CUL5: variants seen among roughly 807,000 people sequenced by gnomAD.
The protein encoded by CUL5 is cullin 5, also known as cullin-5.
CUL5 carries 26 observed loss-of-function variants against 108.8 expected under a neutral mutation model. The observed-to-expected ratio is 0.24, with a 90% CI of 0.18 to 0.33. The LOEUF is 0.33. Among genes scored for constraint, CUL5 ranks in the 10% least tolerant of loss-of-function variants. CUL5 has a pLI of 1.00. For missense variants in CUL5, 524 were observed against 909.2 expected (o/e 0.58, Z 5.45); for synonymous variants, 334 against 298.0 (o/e 1.12, Z -1.25).
chr11:108,066,310 C>T (rs1054688396), intron 7 of CUL5, among the ~76,000 whole-genome samples: 12 of 152,202 alleles, frequency 7.9e-5, no homozygotes, highest in African/African-American at 2.9e-4. Flanking sequence ...CGCCACTGCA[C>T]TCCAGCCTGG....
intron 1 of CUL5, among the ~76,000 whole-genome samples, chr11:108,030,168 C>T (rs1419351904): frequency 2.0e-5 from 3 of 152,100 alleles, no homozygotes; most frequent in East Asian, 1.9e-4. Flanking sequence ...AAGTATATGC[C>T]GCAGCATCAC....
At chr11:108,058,409 C>T (rs1352556861) in intron 7 of CUL5, among the ~76,000 whole-genome samples, 5 of 151,168 alleles carry the variant, frequency 3.3e-5, no homozygotes, top group South Asian at 4.2e-4. Flanking sequence ...CCACCACACC[C>T]GGCTAATTTT....
intron 1 of CUL5, among the ~76,000 whole-genome samples, chr11:108,011,441 G>A (rs1380206466): frequency 6.6e-6 from 1 of 152,136 alleles, no homozygotes; most frequent in African/African-American, 2.4e-5. Flanking sequence ...GGTACTTAGG[G>A]TTTAGGTTTA....
intron 1 of CUL5, among the ~76,000 whole-genome samples, chr11:108,016,548 T>C (rs12277368): frequency 0.2 from 30,488 of 152,202 alleles, 3,227 homozygotes; most frequent in Non-Finnish European, 0.23. Flanking sequence ...CCACCCCTAC[T>C]TGAGGTTTCT....
In CUL5 at chr11:108,104,330, C is replaced by T. The variant is rs756404794; in HGVS notation, c.2289C>T (p.His763=). Residue 763 remains histidine (H), a synonymous_variant, in exon 19 of 19, where the codon CAC becomes CAT. Coordinates refer to ENST00000393094, the MANE Select transcript of CUL5 (RefSeq NM_003478.6). The part of the protein sequence containing the change: ...IKEQIEWLIE[H]KYIRRDESDI... ...AGCAAATAGAGTGGCTAATAGAGCA[C>T]AAATACATCAGAAGAGATGAATCTG... 3 of 1,599,628 alleles carry T rather than the reference C, an allele frequency of 1.9e-6. No homozygotes were observed. The highest frequency in any genetic ancestry group is 2.3e-5 in the South Asian group (2 of 86,964).
chr11:108,009,425 CTT>C (rs1862003048), intron 1 of CUL5, 53 bp downstream of exon 1: 1 of 1,601,566 alleles, frequency 6.2e-7, no homozygotes, highest in Admixed American at 1.7e-5. Context: ...GGGTTCGGCT[CTT>C]TGGGAAAGGC....
chr11:108,100,758 C>T (rs1283682285), intron 18 of CUL5, among the ~76,000 whole-genome samples: 3 of 152,004 alleles, frequency 2.0e-5, no homozygotes, highest in Non-Finnish European at 4.4e-5. Flanking sequence ...TGGCCAGGCG[C>T]GGTGGCTCAC....
chr11:108,054,835 T>A (rs1325380857), intron 6 of CUL5, 40 bp from the exon 7 acceptor site: 1 of 1,601,720 alleles, frequency 6.2e-7, no homozygotes, highest in Non-Finnish European at 8.5e-7. Flanking sequence ...AGCAATTCCC[T>A]TGATATTCTT....
intron 7 of CUL5, among the ~76,000 whole-genome samples, chr11:108,059,883 A>T (rs1234991459): frequency 0.015 from 6 of 410 alleles, no homozygotes; most frequent in South Asian, 0.5. Context: ...GACTCTGTCT[A>T]AAAAAAAAAA....
chr11:108,066,715 C>T (rs549692801), intron 7 of CUL5, among the ~76,000 whole-genome samples: 3 of 152,328 alleles, frequency 2.0e-5, no homozygotes, highest in South Asian at 4.1e-4. Context: ...TATCAAGCAC[C>T]AGCTGTGTGC....
intron 4 of CUL5, among the ~76,000 whole-genome samples, chr11:108,051,941 T>A (rs1186477245): frequency 1.3e-5 from 2 of 152,196 alleles, no homozygotes; most frequent in Admixed American, 6.5e-5. Context: ...CAAATCCAGT[T>A]GGATTCTGAA....
At chr11:108,012,635 G>A (rs1403664603) in intron 1 of CUL5, among the ~76,000 whole-genome samples, 3 of 148,236 alleles carry the variant, frequency 2.0e-5, no homozygotes, top group Admixed American at 6.9e-5. Flanking sequence ...CGCTCTTGTT[G>A]CCCAGGCTGG....
intron 1 of CUL5, among the ~76,000 whole-genome samples, chr11:108,015,594 C>T (rs536123536): frequency 1.3e-5 from 2 of 152,178 alleles, no homozygotes; most frequent in Admixed American, 6.5e-5. Context: ...TGGTTGCATT[C>T]GACACAGCCT....
intron 11 of CUL5, among the ~76,000 whole-genome samples, chr11:108,080,038 G>T (rs1864036354): frequency 6.6e-6 from 1 of 151,470 alleles, no homozygotes; most frequent in African/African-American, 2.4e-5. Flanking sequence ...AGTCATTTGG[G>T]ATGTATGTAG....
chr11:108,025,211 A>G (rs945915551), intron 1 of CUL5, among the ~76,000 whole-genome samples: 2 of 152,180 alleles, frequency 1.3e-5, no homozygotes, highest in African/African-American at 4.8e-5. Flanking sequence ...TAGAATATGT[A>G]TAGTAGCTGA....
At chr11:108,017,018 T>G (rs1366542682) in intron 1 of CUL5, among the ~76,000 whole-genome samples, 1 of 152,088 alleles carries the variant, frequency 6.6e-6, no homozygotes, top group Non-Finnish European at 1.5e-5. Context: ...ACAAATAATA[T>G]CAAAGGTAAT....
At position 108,104,198 on chromosome 11, in the gene CUL5, C is replaced by G; in HGVS notation, c.2157C>G (p.Ile719Met). 6.4e-7 allele frequency: 1 copy of G among 1,558,734 alleles called. No individual in the cohort carries two copies. The highest frequency in any genetic ancestry group is 1.2e-5 in the South Asian group (1 of 83,270). ...QLRILRTQEA[I>M]IQIMKMRKKI... ...TTTATTTTTTCTTTTAGGAAGCTATCATACAAATAATGAAAATGAGAAAGA... is the reference window on the plus strand; with the variant it reads ...TTTATTTTTTCTTTTAGGAAGCTATGATACAAATAATGAAAATGAGAAAGA... The change falls in exon 19 of 19, where the codon ATC (isoleucine) becomes ATG (methionine). Residue 719 changes from isoleucine (I) to methionine (M), a missense_variant. Transcript: ENST00000393094.
intron 7 of CUL5, among the ~76,000 whole-genome samples, chr11:108,065,324 G>A (rs917245619): frequency 1.1e-4 from 17 of 152,114 alleles, no homozygotes; most frequent in Non-Finnish European, 2.5e-4. Context: ...CACCTGTTGG[G>A]AGAAATTTTA....
chr11:108,036,246 A>G (rs960934624), intron 2 of CUL5, among the ~76,000 whole-genome samples: 3 of 152,184 alleles, frequency 2.0e-5, no homozygotes, highest in Admixed American at 2.0e-4. Flanking sequence ...AGTAAATATC[A>G]TCCATTGTGG....
Sources: allele counts gnomAD v4.1 joint callset (sites outside exome capture counted in the v4.1 genomes callset), GRCh38; gene constraint gnomAD v4.1.1; transcripts MANE v1.5; gene names NCBI Gene and HGNC (gene_info 2026-07-23, HGNC 2026-07-21).